Variants in GTPBP4 observed in about 807,000 individuals in gnomAD.
The protein encoded by GTPBP4 is GTP-binding protein 4.
A neutral mutation model predicts 81.7 loss-of-function variants in GTPBP4; 15 were observed. That is an observed-to-expected ratio of 0.18 (90% CI 0.12 to 0.28). GTPBP4 has a LOEUF of 0.28. Ranked by LOEUF, GTPBP4 falls within the 10% of genes least tolerant of loss-of-function variation. The probability of loss-of-function intolerance (pLI) is 1.00; values close to 1 mark genes in which losing one functional copy is unlikely to be tolerated. For synonymous variants in GTPBP4, 272 were observed against 274.6 expected (o/e 0.99, Z 0.09); for missense variants, 847 against 793.8 (o/e 1.07, Z -0.81).
intron 6 of GTPBP4, 47 bp from the exon 7 acceptor site, chr10:1,000,630 A>C: frequency 8.5e-7 from 1 of 1,178,078 alleles, no homozygotes; most frequent in Non-Finnish European, 1.2e-6. Flanking sequence ...CTGGACAAGA[A>C]GCTTGTGGGT....
chr10:1,002,549 C>T (rs577779949), intron 8 of GTPBP4, among the ~76,000 whole-genome samples: 7 of 152,230 alleles, frequency 4.6e-5, no homozygotes, highest in South Asian at 2.1e-4. Flanking sequence ...TTATTGTCTT[C>T]GCTTCCAGAT....
chr10:998,663 T>A (rs1385071715), intron 5 of GTPBP4, among the ~76,000 whole-genome samples: 1 of 152,264 alleles, frequency 6.6e-6, no homozygotes, highest in Non-Finnish European at 1.5e-5. Context: ...GAAAGTTCAT[T>A]AGCAGTGCAT....
rs2132180853 is a variant in GTPBP4 at position 1,019,478 on chromosome 10, T to C, written c.*2251T>C. 2.6e-6 allele frequency: 4 copies of C among 1,546,338 alleles called. No individual in the cohort carries two copies. Among genetic ancestry groups the C allele is most frequent in the Non-Finnish European group, 3.5e-6 (4 of 1,134,244 alleles). On this transcript the variant is annotated 3_prime_UTR_variant, in exon 17 of 17. Transcript: ENST00000360803. ...GCCTCAATGGTGCGTCTGCCTGCAC[T>C]GAGGGCATTACACATGGCTGACTCG...
In GTPBP4 at chr10:996,178, G is replaced by T; in HGVS notation, c.396G>T (p.Ala132=). The change falls in exon 4 of 17, where the codon GCG becomes GCT. Residue 132 remains alanine, a synonymous_variant. Coordinates refer to ENST00000360803, the MANE Select transcript of GTPBP4 (RefSeq NM_012341.3). ...SLYRCKQLKR[A]ALGRMCTVIK... ...ACCGCTGCAAACAGCTGAAGCGTGC[G>T]GCCCTGGGACGGATGTGCACAGTGA... 6.2e-7 allele frequency: 1 copy of T among 1,614,012 alleles called. No individual in the cohort carries two copies. Among genetic ancestry groups the T allele is most frequent in the Non-Finnish European group, 8.5e-7 (1 of 1,179,866 alleles).
At chr10:999,259 C>A (rs1831583657) in intron 6 of GTPBP4, among the ~76,000 whole-genome samples, 164 bp downstream of exon 6, 1 of 152,138 alleles carries the variant, frequency 6.6e-6, no homozygotes, top group African/African-American at 2.4e-5. Flanking sequence ...GCAGGGATTA[C>A]AGGTGCACAC....
Position 1,012,517 on chromosome 10 carries a change from A to T in GTPBP4, c.1397A>T (p.Tyr466Phe). The change falls in exon 14 of 17, where the codon TAT becomes TTT. Residue 466 changes from tyrosine (Y) to phenylalanine (F), a missense_variant. Around this residue, in one of 3 missense-constraint regions of GTPBP4, gnomAD observed 600 missense variants for 557.1 expected, o/e 1.08. Coordinates refer to ENST00000360803, the MANE Select transcript of GTPBP4 (RefSeq NM_012341.3). ...GAGCTGAGAACAGCTGCTGGAGAGT[A>T]TGACAGTGTATCTGAGAGTGAAGAC... ...EEELRTAAGE[Y>F]DSVSESEDEE... 6.2e-7 allele frequency: 1 copy of T among 1,613,348 alleles called. No homozygotes were observed. Among genetic ancestry groups the T allele is most frequent in the African/African-American group, 1.3e-5 (1 of 75,050 alleles).
At chr10:988,853 G>A (rs533604679) in intron 1 of GTPBP4, 139 of 291,474 alleles carry the variant, frequency 4.8e-4, no homozygotes, top group African/African-American at 2.9e-3. Flanking sequence ...GAGTGGAGGG[G>A]GACCCCGACA....
intron 10 of GTPBP4, among the ~76,000 whole-genome samples, chr10:1,008,680 CT>C (rs1831795662): frequency 6.6e-6 from 1 of 151,834 alleles, no homozygotes; most frequent in African/African-American, 2.4e-5. Flanking sequence ...TCTGTTTTTC[CT>C]GGATAAACTT....
Position 1,005,910 on chromosome 10 carries a change from C to G in GTPBP4, c.1002+3C>G. On this transcript the variant is annotated splice_donor_region_variant and intron_variant, in intron 9 of 16. Coordinates refer to ENST00000360803, the MANE Select transcript of GTPBP4 (RefSeq NM_012341.3). Reference sequence around the variant, plus strand: ...GTGTTATTAAAGTTAAAACAGAGGTCAGTGCTGCCTTAAGTCAGGTATTAG... The same window carrying G: ...GTGTTATTAAAGTTAAAACAGAGGTGAGTGCTGCCTTAAGTCAGGTATTAG... 1 of 1,492,870 alleles carries G rather than the reference C, an allele frequency of 6.7e-7. No individual in the cohort carries two copies. Among genetic ancestry groups the G allele is most frequent in the Non-Finnish European group, 9.2e-7 (1 of 1,082,996 alleles). The allele number at this position is 1,492,870 out of a possible 1,614,324, so 92.5% of individuals were successfully genotyped here.
rs201037877 is a variant in GTPBP4, at chr10:995,917, T to C, written c.220-12T>C. ...GCCCCAAGTGACCGTGGTGTGCTTTTGTTTGTTACAGGATATTCATCCGTT... is the reference window on the plus strand; with the variant it reads ...GCCCCAAGTGACCGTGGTGTGCTTTCGTTTGTTACAGGATATTCATCCGTT... On this transcript the variant is annotated splice_polypyrimidine_tract_variant and intron_variant, in intron 2 of 16. Transcript: ENST00000360803. The C allele has an allele frequency of 6.6e-7, 1 of 1,515,084 alleles. No homozygotes were observed. Among genetic ancestry groups the C allele is most frequent in the African/African-American group, 1.4e-5 (1 of 72,662 alleles). 93.9% of individuals were successfully genotyped at this position (1,515,084 alleles called of 1,614,324 possible).
intron 9 of GTPBP4, 83 bp downstream of exon 9, chr10:1,005,990 C>A (rs1344605184): frequency 6.5e-6 from 5 of 768,928 alleles, no homozygotes. Context: ...AAATAGTTTT[C>A]TTTCTAGACA....
chr10:1,012,864 C>T (rs1035222692), intron 14 of GTPBP4, among the ~76,000 whole-genome samples: 2 of 152,198 alleles, frequency 1.3e-5, no homozygotes, highest in Non-Finnish European at 2.9e-5. Flanking sequence ...TGACTTTCAG[C>T]TTCGAGTTTG....
intron 8 of GTPBP4, among the ~76,000 whole-genome samples, chr10:1,001,718 C>A (rs541361572): frequency 3.5e-5 from 5 of 143,942 alleles, no homozygotes; most frequent in Non-Finnish European, 7.5e-5. Context: ...GAAAGTATCT[C>A]TTGGTATTGA....
intron 11 of GTPBP4, among the ~76,000 whole-genome samples, 154 bp downstream of exon 11, chr10:1,009,189 CCT>C (rs1831806081): frequency 6.6e-6 from 1 of 152,176 alleles, no homozygotes; most frequent in Non-Finnish European, 1.5e-5. Flanking sequence ...CCTGCAGAAG[CCT>C]CTCTCATGGG....
chr10:1,004,522 G>A (rs1036099729), intron 8 of GTPBP4, among the ~76,000 whole-genome samples: 1 of 152,062 alleles, frequency 6.6e-6, no homozygotes, highest in African/African-American at 2.4e-5. Context: ...TCTTCTGGGC[G>A]CCCCAGGCAC....
intron 8 of GTPBP4, among the ~76,000 whole-genome samples, chr10:1,001,431 G>A (rs1363279493): frequency 1.3e-5 from 2 of 152,216 alleles, no homozygotes; most frequent in Non-Finnish European, 2.9e-5. Flanking sequence ...ATCTATGAGT[G>A]AGACGTGCCT....
Position 997,293 on chromosome 10 carries a change from C to A in GTPBP4, c.546C>A (p.Ser182=). 6.3e-7 allele frequency: 1 copy of A among 1,574,960 alleles called. No homozygotes were observed. Among genetic ancestry groups the A allele is most frequent in the Non-Finnish European group, 8.7e-7 (1 of 1,144,292 alleles). Residue 182 remains serine (S), a synonymous_variant, in exon 5 of 17, where the codon TCC becomes TCA. Coordinates refer to ENST00000360803, the MANE Select transcript of GTPBP4 (RefSeq NM_012341.3). The part of the protein sequence containing the change: ...LLCGYPNVGK[S]SFINKVTRAD... The stretch of plus-strand genomic sequence containing the variant: ...GTGGGTACCCAAATGTTGGGAAGTC[C>A]AGCTTCATCAACAAGGTTGGTCTGG...
Position 1,017,382 on chromosome 10 carries a change from A to G in GTPBP4, c.*155A>G, listed in dbSNP as rs753659880. The G allele has an allele frequency of 8.0e-6, 5 of 621,474 alleles. No individual in the cohort carries two copies. The highest frequency in any genetic ancestry group is 2.8e-5 in the East Asian group (1 of 36,068). The allele number at this position is 621,474 out of a possible 1,614,324, so 38.5% of individuals were successfully genotyped here. On this transcript the variant is annotated 3_prime_UTR_variant, in exon 17 of 17. Coordinates refer to ENST00000360803, the MANE Select transcript of GTPBP4 (RefSeq NM_012341.3). ...TGCTGAAAACTATGGTTAACCCTAT[A>G]TAGGTGTGGGAAATTTTTGTCACTG...
chr10:1,017,054 AT>A lies in GTPBP4; in HGVS notation c.1753-14del, dbSNP rs777032667. ...TGGTTTTAAGTAATGAACATACTTT[AT>A]TTTTTTCTCCTCCTTTTAGATGGTG... On this transcript the variant is annotated intron_variant, in intron 16 of 16. Coordinates refer to ENST00000360803, the MANE Select transcript of GTPBP4 (RefSeq NM_012341.3). The A allele has an allele frequency of 2.3e-5, 36 of 1,599,988 alleles. No homozygotes were observed. The highest frequency in any genetic ancestry group is 2.8e-5 in the Non-Finnish European group (33 of 1,171,564).
Sources: gnomAD v4.1 joint callset for allele counts (sites outside exome capture counted in the v4.1 genomes callset) on GRCh38, gnomAD v4.1.1 for gene constraint, gnomAD v4.1.1 regional missense constraint, MANE v1.5 for transcripts, NCBI Gene and HGNC (gene_info 2026-07-23, HGNC 2026-07-21) for gene names.